MAGI2: variants seen among roughly 807,000 people sequenced by gnomAD.
The protein encoded by MAGI2 is membrane-associated guanylate kinase, WW and PDZ domain-containing protein 2.
Under a neutral mutation model 133.3 loss-of-function variants are expected in MAGI2, and 35 were observed. That is an observed-to-expected ratio of 0.26 (90% CI 0.20 to 0.35). MAGI2 has a LOEUF of 0.35. MAGI2 is among the 10% of genes least tolerant of loss of function. The pLI, the probability that MAGI2 is intolerant of heterozygous loss-of-function variation, is 1.00. For missense variants in MAGI2, 1,636 were observed against 1,863.4 expected (o/e 0.88, Z 2.25); for synonymous variants, 729 against 710.6 (o/e 1.03, Z -0.41).
intron 2 of MAGI2, among the ~76,000 whole-genome samples, chr7:78,710,225 A>G (rs768700209): frequency 7.3e-6 from 1 of 136,124 alleles, no homozygotes; most frequent in Non-Finnish European, 1.7e-5. Flanking sequence ...TGAAATTCAG[A>G]TAAGTTAGTA....
intron 1 of MAGI2, among the ~76,000 whole-genome samples, chr7:79,204,719 A>G (rs1828892947): frequency 6.6e-6 from 1 of 152,070 alleles, no homozygotes; most frequent in Admixed American, 6.5e-5. Flanking sequence ...AAATACTTCA[A>G]TAAAATAAGG....
intron 2 of MAGI2, among the ~76,000 whole-genome samples, chr7:78,782,404 T>C (rs1312345737): frequency 6.6e-6 from 1 of 152,108 alleles, no homozygotes; most frequent in Non-Finnish European, 1.5e-5. Flanking sequence ...AGGTGAGTCC[T>C]TTGATAAAGG....
intron 10 of MAGI2, among the ~76,000 whole-genome samples, chr7:78,208,421 C>T (rs923280004): frequency 7.2e-5 from 11 of 152,054 alleles, no homozygotes; most frequent in Admixed American, 6.5e-4. Flanking sequence ...GGTGAAAAGC[C>T]TTAAACAGGA....
chr7:78,828,835 G>C (rs114990861), intron 2 of MAGI2, among the ~76,000 whole-genome samples: 1 of 152,044 alleles, frequency 6.6e-6, no homozygotes, highest in African/African-American at 2.4e-5. Flanking sequence ...ATTTCACACA[G>C]CCAAGTTGTT....
intron 2 of MAGI2, among the ~76,000 whole-genome samples, chr7:78,730,233 C>T (rs940717845): frequency 1.3e-5 from 2 of 151,556 alleles, no homozygotes; most frequent in Non-Finnish European, 2.9e-5. Flanking sequence ...AATTTTTATC[C>T]CCAGAGTTAC....
At chr7:78,114,263 A>T (rs569278351) in intron 20 of MAGI2, among the ~76,000 whole-genome samples, 1 of 152,232 alleles carries the variant, frequency 6.6e-6, no homozygotes, top group African/African-American at 2.4e-5. Context: ...GATCAGTGAA[A>T]GTATCTTAGG....
At position 78,019,455 on chromosome 7, in the gene MAGI2, C is replaced by G; in HGVS notation, c.4228G>C (p.Ala1410Pro). Residue 1410 changes from alanine (A) to proline (P), a missense_variant, in exon 22 of 22, where the codon GCG becomes CCG. Around this residue, in one of 5 missense-constraint regions of MAGI2, gnomAD observed 354 missense variants for 298.7 expected, o/e 1.19. Coordinates refer to ENST00000354212, the MANE Select transcript of MAGI2 (RefSeq NM_012301.4). The stretch of plus-strand genomic sequence containing the variant: ...GGTCGCGGGCCCGGCCGGGGACCCG[C>G]GCGCGCACCCGCCCTGCCCTCGGCC... ...LEAEGRAGARAGPRPGPRPPG... is the reference protein window; with the variant it reads ...LEAEGRAGARPGPRPGPRPPG... 1.0e-6 allele frequency: 1 copy of G among 982,234 alleles called. No homozygotes were observed. 60.8% of individuals were successfully genotyped at this position (982,234 alleles called of 1,614,324 possible).
intron 2 of MAGI2, among the ~76,000 whole-genome samples, chr7:78,860,839 G>A (rs922587670): frequency 6.6e-6 from 1 of 152,196 alleles, no homozygotes; most frequent in Non-Finnish European, 1.5e-5. Flanking sequence ...CCTGCCCCCA[G>A]AGATGGAGTC....
At chr7:78,808,636 T>A (rs1788784641) in intron 2 of MAGI2, among the ~76,000 whole-genome samples, 1 of 152,058 alleles carries the variant, frequency 6.6e-6, no homozygotes, top group South Asian at 2.1e-4. Context: ...AATGTGAAAA[T>A]TCAGTGAAGT....
At chr7:78,799,403 T>C (rs1367882071) in intron 2 of MAGI2, among the ~76,000 whole-genome samples, 2 of 152,122 alleles carry the variant, frequency 1.3e-5, no homozygotes, top group Admixed American at 6.5e-5. Flanking sequence ...GTCAAAATGA[T>C]TTACTGAAAA....
At chr7:78,257,233 C>G (rs769984395) in intron 9 of MAGI2, among the ~76,000 whole-genome samples, 1 of 152,194 alleles carries the variant, frequency 6.6e-6, no homozygotes, top group Non-Finnish European at 1.5e-5. Flanking sequence ...CTTTGAGCCA[C>G]AGTTCCTCAT....
At chr7:78,959,587 T>C (rs1028329693) in intron 2 of MAGI2, among the ~76,000 whole-genome samples, 1 of 152,140 alleles carries the variant, frequency 6.6e-6, no homozygotes, top group African/African-American at 2.4e-5. Context: ...AACATCTCTT[T>C]CATGATGGTG....
chr7:79,196,095 T>C (rs1425041556), intron 1 of MAGI2, among the ~76,000 whole-genome samples: 1 of 151,934 alleles, frequency 6.6e-6, no homozygotes, highest in East Asian at 1.9e-4. Flanking sequence ...AGTGTTCTCA[T>C]CACAAAAATG....
intron 2 of MAGI2, among the ~76,000 whole-genome samples, chr7:78,803,278 T>C (rs945710057): frequency 6.6e-6 from 1 of 152,162 alleles, no homozygotes; most frequent in Non-Finnish European, 1.5e-5. Flanking sequence ...GAAAAGAGTA[T>C]TAAATGCAAT....
At chr7:78,758,843 C>T (rs1824210362) in intron 2 of MAGI2, among the ~76,000 whole-genome samples, 1 of 152,216 alleles carries the variant, frequency 6.6e-6, no homozygotes, top group South Asian at 2.1e-4. Flanking sequence ...GGTTCCTCCA[C>T]ACCTTAAGTT....
chr7:78,793,884 T>G (rs1193265190), intron 2 of MAGI2, among the ~76,000 whole-genome samples: 1 of 152,218 alleles, frequency 6.6e-6, no homozygotes, highest in African/African-American at 2.4e-5. Context: ...TCATATCCAT[T>G]GATAGAATCC....
chr7:79,111,162 A>C (rs1818894650), intron 1 of MAGI2, among the ~76,000 whole-genome samples: 1 of 152,232 alleles, frequency 6.6e-6, no homozygotes, highest in Non-Finnish European at 1.5e-5. Context: ...GAACCAAAAA[A>C]TAATTTGATT....
At chr7:79,435,259 TCAATGAATGTTTTCAAAAA>T (rs554197348) in intron 1 of MAGI2, among the ~76,000 whole-genome samples, 234 of 152,358 alleles carry the variant, frequency 1.5e-3, no homozygotes, top group African/African-American at 5.3e-3. Context: ...ATTTATTCAT[TCAATGAATGTTTTCAAAAA>T]CATTCTACAT....
chr7:78,208,745 A>G (rs1787392772), intron 10 of MAGI2, among the ~76,000 whole-genome samples: 1 of 151,434 alleles, frequency 6.6e-6, no homozygotes, highest in South Asian at 2.1e-4. Context: ...GTAATTTAAG[A>G]TGGATTACAT....
Sources: allele counts gnomAD v4.1 joint callset (sites outside exome capture counted in the v4.1 genomes callset), GRCh38; gene constraint gnomAD v4.1.1; regional missense constraint gnomAD v4.1.1; transcripts MANE v1.5; gene names NCBI Gene and HGNC (gene_info 2026-07-23, HGNC 2026-07-21).